CHD2: variants seen among roughly 807,000 people sequenced by gnomAD.
CHD2 encodes the protein ATP-dependent chromatin remodeler CHD2.
A neutral mutation model predicts 243.9 loss-of-function variants in CHD2; 28 were observed. That is an observed-to-expected ratio of 0.11 (90% CI 0.09 to 0.16). The LOEUF is 0.16. Ranked by LOEUF, CHD2 falls within the 10% of genes least tolerant of loss-of-function variation. CHD2 has a pLI of 1.00. For missense variants in CHD2, 1,386 were observed against 2,209.8 expected (o/e 0.63, Z 7.47); for synonymous variants, 775 against 779.0 (o/e 0.99, Z 0.09).
At chr15:92,945,887 T>G (rs181909863) in intron 11 of CHD2, 22 bp downstream of exon 11, 1 of 1,559,316 alleles carries the variant, frequency 6.4e-7, no homozygotes, top group Non-Finnish European at 8.7e-7. Flanking sequence ...ATTTTATTTA[T>G]AAATGTTCTT....
chr15:92,950,636 C>G (rs1275985705), intron 13 of CHD2, among the ~76,000 whole-genome samples: 1 of 152,018 alleles, frequency 6.6e-6, no homozygotes, highest in Non-Finnish European at 1.5e-5. Flanking sequence ...CTTATGTAGT[C>G]TCAGCTACTT....
chr15:92,954,181 TTGCGC>T (rs893216696), intron 14 of CHD2: 2 of 152,586 alleles, frequency 1.3e-5, no homozygotes, highest in Admixed American at 6.5e-5. Context: ...GTGCTAGATG[TTGCGC>T]TGGGTGCTTT....
At chr15:92,977,809 A>C (rs150873039) in intron 20 of CHD2, among the ~76,000 whole-genome samples, 10 of 152,366 alleles carry the variant, frequency 6.6e-5, no homozygotes, top group African/African-American at 2.4e-4. Flanking sequence ...TATTTATATA[A>C]TAAAGTATCT....
chr15:92,986,459 G>C (rs2054044117), intron 26 of CHD2, among the ~76,000 whole-genome samples: 1 of 151,838 alleles, frequency 6.6e-6, no homozygotes, highest in African/African-American at 2.4e-5. Context: ...TTCTTTCTTT[G>C]TTTAATTTAC....
At chr15:92,917,635 A>G (rs138225284) in intron 2 of CHD2, among the ~76,000 whole-genome samples, 1 of 152,362 alleles carries the variant, frequency 6.6e-6, no homozygotes, top group African/African-American at 2.4e-5. Flanking sequence ...TAAGACACAT[A>G]GAAGTGACTG....
At chr15:92,993,574 G>T (rs62023149) in intron 28 of CHD2, among the ~76,000 whole-genome samples, 33,600 of 151,928 alleles carry the variant, frequency 0.22, 4,291 homozygotes, top group East Asian at 0.57. Flanking sequence ...TTAAAAGCAA[G>T]AGGTATAGGA....
chr15:92,959,935 A>T (rs1179494628), intron 16 of CHD2, among the ~76,000 whole-genome samples: 1 of 152,226 alleles, frequency 6.6e-6, no homozygotes, highest in Non-Finnish European at 1.5e-5. Flanking sequence ...TGGAATTTTG[A>T]TAGAAATTGT....
chr15:92,992,040 A>G (rs1409423789), intron 27 of CHD2, among the ~76,000 whole-genome samples: 1 of 152,272 alleles, frequency 6.6e-6, no homozygotes, highest in Non-Finnish European at 1.5e-5. Context: ...TTCAGAAGTT[A>G]GATTTTAACA....
chr15:92,974,739 T>G, intron 19 of CHD2, 140 bp from the exon 20 acceptor site: 1 of 675,546 alleles, frequency 1.5e-6, no homozygotes, highest in Non-Finnish European at 2.5e-6. Flanking sequence ...AAGCACAGCT[T>G]CTTCATAGCG....
intron 22 of CHD2, among the ~76,000 whole-genome samples, chr15:92,979,924 A>T (rs1327367467): frequency 6.6e-6 from 1 of 151,518 alleles, no homozygotes; most frequent in Non-Finnish European, 1.5e-5. Context: ...ATAATATCAA[A>T]ATAATAATAT....
At chr15:92,909,849 T>C (rs2052695673) in intron 2 of CHD2, among the ~76,000 whole-genome samples, 1 of 152,124 alleles carries the variant, frequency 6.6e-6, no homozygotes, top group Non-Finnish European at 1.5e-5. Context: ...AGGAATATTG[T>C]ACATGGTGAA....
At chr15:93,007,288 T>C (rs776639107) in intron 34 of CHD2, among the ~76,000 whole-genome samples, 29 of 152,258 alleles carry the variant, frequency 1.9e-4, no homozygotes, top group Admixed American at 6.5e-4. Flanking sequence ...CGTTGGACAT[T>C]TATTTTCATA....
chr15:92,984,899 T>C (rs910046581), intron 25 of CHD2, among the ~76,000 whole-genome samples: 6 of 152,240 alleles, frequency 3.9e-5, no homozygotes, highest in African/African-American at 1.2e-4. Context: ...TATATAACTA[T>C]AAATAAGAAA....
intron 27 of CHD2, 46 bp downstream of exon 27, chr15:92,991,563 A>G: frequency 7.1e-7 from 1 of 1,408,378 alleles, no homozygotes; most frequent in East Asian, 2.3e-5. Flanking sequence ...TTTTGCTTTT[A>G]TTATATAGTA....
At chr15:92,975,838 A>G (rs2053900011) in intron 20 of CHD2, among the ~76,000 whole-genome samples, 1 of 78,784 alleles carries the variant, frequency 1.3e-5, no homozygotes, top group Non-Finnish European at 3.1e-5. Flanking sequence ...TTACTTCTTG[A>G]GGGGCTTGGG....
intron 2 of CHD2, among the ~76,000 whole-genome samples, chr15:92,903,331 G>C (rs1187708417): frequency 6.6e-6 from 1 of 152,074 alleles, no homozygotes; most frequent in Non-Finnish European, 1.5e-5. Context: ...GGAATACTAC[G>C]AAAATCACCT....
At chr15:92,946,313 G>A (rs1406861095) in intron 12 of CHD2, 97 bp downstream of exon 12, 1 of 948,518 alleles carries the variant, frequency 1.1e-6, no homozygotes, top group African/African-American at 1.6e-5. Flanking sequence ...AAAATGAAAT[G>A]ATGATTGCCA....
chr15:92,951,575 A>G (rs974036168), intron 13 of CHD2, among the ~76,000 whole-genome samples: 4 of 152,230 alleles, frequency 2.6e-5, no homozygotes, highest in Admixed American at 2.6e-4. Flanking sequence ...ATAATGTGCT[A>G]TTTTGGTCTG....
intron 2 of CHD2, among the ~76,000 whole-genome samples, chr15:92,922,594 G>C (rs1195864521): frequency 6.6e-6 from 1 of 152,190 alleles, no homozygotes; most frequent in Non-Finnish European, 1.5e-5. Context: ...GGTAAATATA[G>C]AACTTCCCCT....
Sources: allele counts gnomAD v4.1 joint callset (sites outside exome capture counted in the v4.1 genomes callset), GRCh38; gene constraint gnomAD v4.1.1; transcripts MANE v1.5; gene names NCBI Gene and HGNC (gene_info 2026-07-23, HGNC 2026-07-21).